Variants in LRP1B observed in about 807,000 individuals in gnomAD.
LRP1B encodes LDL receptor related protein 1B.
A neutral mutation model predicts 556.6 loss-of-function variants in LRP1B; 217 were observed. The ratio of observed to expected loss-of-function variants is 0.39; its 90% CI spans 0.35 to 0.44. LRP1B has a LOEUF of 0.44. LRP1B is among the 20% of genes least tolerant of loss of function. The probability of loss-of-function intolerance (pLI) is 1.00; values close to 1 mark genes in which losing one functional copy is unlikely to be tolerated. For missense variants in LRP1B, 5,053 were observed against 5,620.8 expected (o/e 0.90, Z 3.23); for synonymous variants, 2,047 against 1,865.8 (o/e 1.10, Z -2.50).
intron 68 of LRP1B, among the ~76,000 whole-genome samples, chr2:140,376,401 T>C (rs1683229455): frequency 6.6e-6 from 1 of 152,192 alleles, no homozygotes; most frequent in African/African-American, 2.4e-5. Context: ...ATTACCCAGA[T>C]TGGTTCAACG....
At chr2:141,001,633 TG>T in intron 15 of LRP1B, among the ~76,000 whole-genome samples, 1 of 152,158 alleles carries the variant, frequency 6.6e-6, no homozygotes, top group Admixed American at 6.6e-5. Context: ...GGAGATCCTT[TG>T]CTCCTGCGGC....
chr2:140,885,751 A>T (rs1693615422), intron 24 of LRP1B, among the ~76,000 whole-genome samples: 1 of 151,756 alleles, frequency 6.6e-6, no homozygotes, highest in South Asian at 2.1e-4. Flanking sequence ...TCATCTTTGT[A>T]ATACTTTCTT....
rs180901942 is a variant in LRP1B at position 141,314,577 on chromosome 2, G to C, written c.344-59936C>G. Among the ~76,000 whole-genome samples the C allele has an allele frequency of 5.5e-3, 828 of 151,592 alleles. 8 individuals carry two copies. Among genetic ancestry groups the C allele is most frequent in the African/African-American group, 0.018 (764 of 41,346 alleles). On this transcript the variant is annotated intron_variant, in intron 3 of 90. Transcript: ENST00000389484. The stretch of plus-strand genomic sequence containing the variant: ...GAGGTGGAGGTGGGCGGGTCACCAG[G>C]TCAGGAGATCGAGACCATCTTGGCT...
chr2:141,042,684 A>G (rs1698737351), intron 11 of LRP1B, among the ~76,000 whole-genome samples: 1 of 152,068 alleles, frequency 6.6e-6, no homozygotes, highest in African/African-American at 2.4e-5. Context: ...GGAGCTGTTG[A>G]GTGGATTGTA....
At chr2:140,799,728 G>T (rs982643482) in intron 32 of LRP1B, among the ~76,000 whole-genome samples, 2 of 152,132 alleles carry the variant, frequency 1.3e-5, no homozygotes, top group Non-Finnish European at 2.9e-5. Flanking sequence ...AGAAATGCAG[G>T]CTTTCAAATC....
At chr2:141,817,643 T>C (rs1696605316) in intron 1 of LRP1B, among the ~76,000 whole-genome samples, 1 of 152,076 alleles carries the variant, frequency 6.6e-6, no homozygotes, top group Non-Finnish European at 1.5e-5. Context: ...AGAAACTATG[T>C]CAAATACTAA....
At chr2:140,322,722 T>C (rs1162223397) in intron 81 of LRP1B, among the ~76,000 whole-genome samples, 1 of 152,016 alleles carries the variant, frequency 6.6e-6, no homozygotes, top group East Asian at 1.9e-4. Flanking sequence ...TCCTTTGCAG[T>C]CATAGCTGAT....
intron 66 of LRP1B, among the ~76,000 whole-genome samples, chr2:140,416,766 C>T (rs1413200973): frequency 6.6e-6 from 1 of 152,114 alleles, no homozygotes; most frequent in East Asian, 1.9e-4. Flanking sequence ...TGGTGGCAGA[C>T]TTTAAGTCAG....
At chr2:140,417,787 GAACTT>G (rs1432340139) in intron 66 of LRP1B, among the ~76,000 whole-genome samples, 1 of 152,132 alleles carries the variant, frequency 6.6e-6, no homozygotes, top group East Asian at 1.9e-4. Context: ...AATGTCATCT[GAACTT>G]AACAGCATTT....
At chr2:142,106,029 C>A (rs1212627071) in intron 1 of LRP1B, among the ~76,000 whole-genome samples, 2 of 152,284 alleles carry the variant, frequency 1.3e-5, no homozygotes, top group East Asian at 3.9e-4. Flanking sequence ...GGTACACATA[C>A]TCCCTGCTCT....
chr2:141,757,490 A>G (rs1694365080), intron 2 of LRP1B, among the ~76,000 whole-genome samples: 1 of 152,206 alleles, frequency 6.6e-6, no homozygotes, highest in African/African-American at 2.4e-5. Flanking sequence ...TGATGATAAT[A>G]AATAAAATTT....
chr2:141,044,943 T>A (rs1390858114), intron 11 of LRP1B, among the ~76,000 whole-genome samples: 3 of 150,872 alleles, frequency 2.0e-5, no homozygotes, highest in Admixed American at 6.6e-5. Flanking sequence ...GGACTATAAA[T>A]CATGCTGCTA....
At chr2:141,254,736 T>G (rs904920000) in intron 3 of LRP1B, 95 bp from the exon 4 acceptor site, 1 of 920,274 alleles carries the variant, frequency 1.1e-6, no homozygotes, top group Non-Finnish European at 1.5e-6. Context: ...TAGTCTTGAT[T>G]GTTCTCCCAG....
At chr2:142,114,773 G>C (rs997979794) in intron 1 of LRP1B, among the ~76,000 whole-genome samples, 3 of 152,100 alleles carry the variant, frequency 2.0e-5, no homozygotes, top group Non-Finnish European at 4.4e-5. Context: ...GGTGGGAAAT[G>C]AAGAGTAGCT....
At chr2:142,129,843 C>A (rs1707786106) in intron 1 of LRP1B, among the ~76,000 whole-genome samples, 1 of 152,064 alleles carries the variant, frequency 6.6e-6, no homozygotes, top group Non-Finnish European at 1.5e-5. Flanking sequence ...TCTTGATTTT[C>A]CAGATGAAAA....
chr2:141,185,830 G>A (rs2105185510), intron 7 of LRP1B, among the ~76,000 whole-genome samples: 1 of 152,010 alleles, frequency 6.6e-6, no homozygotes, highest in Middle Eastern at 3.4e-3. Flanking sequence ...TGTAATCCCA[G>A]TACTTTGGGA....
intron 2 of LRP1B, among the ~76,000 whole-genome samples, chr2:141,639,524 G>T (rs1466724107): frequency 6.7e-6 from 1 of 148,708 alleles, no homozygotes; most frequent in Admixed American, 6.8e-5. Flanking sequence ...TTTAAAGCAA[G>T]TTTTTTTTGC....
intron 2 of LRP1B, among the ~76,000 whole-genome samples, chr2:141,498,851 GT>G (rs1217306205): frequency 6.6e-6 from 1 of 152,062 alleles, no homozygotes; most frequent in Non-Finnish European, 1.5e-5. Flanking sequence ...ATGTGTTTCT[GT>G]TGTGAATATC....
At chr2:141,920,553 A>G (rs1205273148) in intron 1 of LRP1B, among the ~76,000 whole-genome samples, 9 of 152,138 alleles carry the variant, frequency 5.9e-5, no homozygotes, top group Non-Finnish European at 8.8e-5. Context: ...TATCACTGGT[A>G]ATTGGCTATT....
Sources: allele counts gnomAD v4.1 joint callset (sites outside exome capture counted in the v4.1 genomes callset), GRCh38; gene constraint gnomAD v4.1.1; transcripts MANE v1.5; gene names NCBI Gene and HGNC (gene_info 2026-07-23, HGNC 2026-07-21).